MAF: variants seen among roughly 807,000 people sequenced by gnomAD.
MAF encodes transcription factor Maf.
Under a neutral mutation model 22.0 loss-of-function variants are expected in MAF, and 10 were observed. The observed-to-expected ratio is 0.45, with a 90% confidence interval of 0.28 to 0.77. The LOEUF (loss-of-function observed/expected upper bound fraction) is 0.77. Ranked by LOEUF, MAF falls within the 30% of genes least tolerant of loss-of-function variation. The pLI, the probability that MAF is intolerant of heterozygous loss-of-function variation, is 0.12. For missense variants in MAF, 544 were observed against 548.4 expected (o/e 0.99, Z 0.08); for synonymous variants, 337 against 255.8 (o/e 1.32, Z -3.03).
chr16:79,318,967 A>G, the MAF span, among the ~76,000 whole-genome samples: 1 of 151,104 alleles, frequency 6.6e-6, no homozygotes, highest in African/African-American at 2.5e-5. Context: ...ACACACACAC[A>G]AATTGAGAGG....
the MAF span, among the ~76,000 whole-genome samples, chr16:79,409,609 A>G: frequency 2.0e-5 from 3 of 152,278 alleles, no homozygotes; most frequent in South Asian, 4.1e-4. Flanking sequence ...AGTAGTAATA[A>G]CCCTCAGCCA....
the MAF span, among the ~76,000 whole-genome samples, chr16:79,556,270 T>C: frequency 6.6e-6 from 1 of 152,204 alleles, no homozygotes; most frequent in Admixed American, 6.5e-5. Flanking sequence ...ATCATGCTAC[T>C]CCATCTTTTT....
the MAF span, among the ~76,000 whole-genome samples, chr16:79,291,173 C>T: frequency 6.6e-6 from 1 of 152,284 alleles, no homozygotes; most frequent in Non-Finnish European, 1.5e-5. Flanking sequence ...TGCTGGTCTG[C>T]TTCAAGCTCT....
the MAF span, among the ~76,000 whole-genome samples, chr16:79,493,138 T>G: frequency 6.9e-6 from 1 of 144,146 alleles, no homozygotes; most frequent in African/African-American, 2.9e-5. Flanking sequence ...TTCTGTTTTT[T>G]TTTTGTTTTG....
chr16:79,411,906 T>C, the MAF span, among the ~76,000 whole-genome samples: 1 of 150,124 alleles, frequency 6.7e-6, no homozygotes, highest in Non-Finnish European at 1.5e-5. Flanking sequence ...ACATATGTAG[T>C]AGGGTCACCA....
the MAF span, among the ~76,000 whole-genome samples, chr16:79,220,517 T>C: frequency 6.6e-6 from 1 of 152,208 alleles, no homozygotes; most frequent in East Asian, 1.9e-4. Flanking sequence ...AATGCCTTTA[T>C]GATCCTGTAT....
chr16:79,470,124 C>A, the MAF span, among the ~76,000 whole-genome samples: 1 of 152,240 alleles, frequency 6.6e-6, no homozygotes, highest in African/African-American at 2.4e-5. Context: ...CCAACACTGG[C>A]ATTTTTCCGG....
Position 79,600,092 on chromosome 16 carries a change from C to G in MAF, c.-190G>C. On this transcript the variant is annotated 5_prime_UTR_variant, in exon 1 of 2. Coordinates refer to ENST00000326043, the MANE Select transcript of MAF (RefSeq NM_005360.5). Reference sequence around the variant, plus strand: ...CACACACCCCCCCGCCCTGCCCGCGCCCCCCGCGCCCGCCCTCCCTCCCCC... The same window carrying G: ...CACACACCCCCCCGCCCTGCCCGCGGCCCCCGCGCCCGCCCTCCCTCCCCC... 1 of 651,642 alleles carries G rather than the reference C, an allele frequency of 1.5e-6. No individual in the cohort carries two copies. The highest frequency in any genetic ancestry group is 2.4e-6 in the Non-Finnish European group (1 of 409,778). The allele number at this position is 651,642 out of a possible 1,614,324, so 40.4% of individuals were successfully genotyped here.
chr16:79,597,775 A>G, intron 1 of MAF: 7 of 1,021,500 alleles, frequency 6.9e-6, no homozygotes, highest in Non-Finnish European at 7.0e-6. Flanking sequence ...AAAAATAATT[A>G]TACCATACAT....
At chr16:79,312,461 G>A in the MAF span, among the ~76,000 whole-genome samples, 3 of 152,180 alleles carry the variant, frequency 2.0e-5, no homozygotes, top group Non-Finnish European at 4.4e-5. Context: ...GGCTCAGTGC[G>A]AACGTCCCCA....
chr16:79,578,288 GT>G, the MAF span, among the ~76,000 whole-genome samples: 325 of 152,032 alleles, frequency 2.1e-3, 5 homozygotes, highest in African/African-American at 7.6e-3. Context: ...TTTGGGGTGA[GT>G]TTTTTTAAGA....
chr16:79,343,245 C>A, the MAF span, among the ~76,000 whole-genome samples: 3 of 151,934 alleles, frequency 2.0e-5, no homozygotes, highest in East Asian at 1.9e-4. Flanking sequence ...CCAACCCCCC[C>A]CCAAAAAAAT....
the MAF span, among the ~76,000 whole-genome samples, chr16:79,416,291 C>T: frequency 3.3e-5 from 5 of 152,130 alleles, no homozygotes; most frequent in Non-Finnish European, 5.9e-5. Flanking sequence ...TAGGTCATCC[C>T]TTTCATTCAT....
rs560919117 is a variant in MAF, at chr16:79,594,163, A to G, written c.*297T>C. 1 of 416,074 alleles carries G rather than the reference A, an allele frequency of 2.4e-6. No individual in the cohort carries two copies. The highest frequency in any genetic ancestry group is 2.9e-5 in the South Asian group (1 of 34,766). 25.8% of individuals were successfully genotyped at this position (416,074 alleles called of 1,614,324 possible). A position where few individuals can be genotyped will look rare whatever the true frequency, so the allele number is the denominator to read the frequency against. The stretch of plus-strand genomic sequence containing the variant: ...CTTTCCATTATATATATGCATATAT[A>G]TGTATCTTTGTAATTTCAGTGAATT... On this transcript the variant is annotated 3_prime_UTR_variant, in exon 2 of 2. Coordinates refer to ENST00000326043, the MANE Select transcript of MAF (RefSeq NM_005360.5).
chr16:79,287,544 A>G, the MAF span, among the ~76,000 whole-genome samples: 2 of 152,190 alleles, frequency 1.3e-5, no homozygotes, highest in Non-Finnish European at 2.9e-5. Context: ...GCCATGACCC[A>G]CGTGTAATTA....
At chr16:79,354,902 T>C in the MAF span, among the ~76,000 whole-genome samples, 1 of 151,872 alleles carries the variant, frequency 6.6e-6, no homozygotes, top group Non-Finnish European at 1.5e-5. Flanking sequence ...TCCAGAGAGA[T>C]AGTGTCAGAT....
the MAF span, among the ~76,000 whole-genome samples, chr16:79,567,646 C>T: frequency 6.6e-6 from 1 of 152,314 alleles, no homozygotes; most frequent in African/African-American, 2.4e-5. Flanking sequence ...CATGGCCTCT[C>T]CCCACTGGGC....
the MAF span, among the ~76,000 whole-genome samples, chr16:79,543,528 G>A: frequency 2.0e-5 from 3 of 152,186 alleles, no homozygotes; most frequent in Admixed American, 1.3e-4. Context: ...AGCCTTTGCG[G>A]GCAGGACAGA....
At chr16:79,460,241 T>C in the MAF span, among the ~76,000 whole-genome samples, 1 of 152,226 alleles carries the variant, frequency 6.6e-6, no homozygotes, top group Non-Finnish European at 1.5e-5. Context: ...GATCTATTTC[T>C]TTATTTTTTC....
Sources: allele counts gnomAD v4.1 joint callset (sites outside exome capture counted in the v4.1 genomes callset), GRCh38; gene constraint gnomAD v4.1.1; transcripts MANE v1.5; gene names NCBI Gene and HGNC (gene_info 2026-07-23, HGNC 2026-07-21).